DYM: variants seen among roughly 807,000 people sequenced by gnomAD.
DYM encodes dymeclin.
A neutral mutation model predicts 93.1 loss-of-function variants in DYM; 78 were observed. The observed-to-expected ratio is 0.84, with a 90% confidence interval of 0.70 to 1.01. The LOEUF is 1.01. Ranked by LOEUF, DYM falls within the 50% of genes least tolerant of loss-of-function variation. The probability of loss-of-function intolerance (pLI) is 0.00; values close to 1 mark genes in which losing one functional copy is unlikely to be tolerated. For synonymous variants in DYM, 321 were observed against 319.7 expected (o/e 1.00, Z -0.04); for missense variants, 789 against 845.0 (o/e 0.93, Z 0.82).
At position 49,253,641 on chromosome 18, in the gene DYM, G is replaced by A. The variant is rs145659565; in HGVS notation, c.1460+3369C>T. On this transcript the variant is annotated intron_variant, in intron 13 of 17. Transcript: ENST00000675505. ...CCTGCATGACACGATGCTCTGGTCC[G>A]CACCGGCTACTCAAATGTGGTCCTT... Among the ~76,000 whole-genome samples the A allele has an allele frequency of 1.1e-3, 163 of 152,220 alleles. 1 individual carries two copies. The highest frequency in any genetic ancestry group is 3.7e-3 in the African/African-American group (153 of 41,532).
intron 13 of DYM, among the ~76,000 whole-genome samples, chr18:49,222,418 T>C (rs2093397686): frequency 1.3e-5 from 2 of 152,126 alleles, no homozygotes; most frequent in South Asian, 4.1e-4. Context: ...ACAAGAAATG[T>C]ATTTAATACA....
chr18:49,370,330 T>C (rs942142027), intron 5 of DYM, among the ~76,000 whole-genome samples: 1 of 151,394 alleles, frequency 6.6e-6, no homozygotes, highest in African/African-American at 2.4e-5. Flanking sequence ...CTCTGGGCTC[T>C]TCATCCTAGC....
At chr18:49,114,338 T>A (rs112791929) in intron 16 of DYM, among the ~76,000 whole-genome samples, 1 of 152,352 alleles carries the variant, frequency 6.6e-6, no homozygotes, top group Admixed American at 6.5e-5. Context: ...AAGAACTGCA[T>A]AACAGCATAT....
At chr18:49,273,482 T>C (rs1300233400) in intron 10 of DYM, among the ~76,000 whole-genome samples, 2 of 152,176 alleles carry the variant, frequency 1.3e-5, no homozygotes, top group Non-Finnish European at 2.9e-5. Context: ...CACATAACAT[T>C]TCCATTAACA....
chr18:49,272,122 G>C, intron 11 of DYM, 56 bp downstream of exon 11: 1 of 1,524,876 alleles, frequency 6.6e-7, no homozygotes, highest in East Asian at 2.3e-5. Flanking sequence ...TAAATCTTAC[G>C]TAGGGACATG....
intron 6 of DYM, among the ~76,000 whole-genome samples, chr18:49,349,162 C>T (rs1467332804): frequency 7.2e-5 from 11 of 152,056 alleles, no homozygotes; most frequent in Non-Finnish European, 1.6e-4. Flanking sequence ...GAGCCAAGAT[C>T]GTGCCAGTGC....
At chr18:49,370,787 C>T (rs2066966621) in intron 5 of DYM, among the ~76,000 whole-genome samples, 1 of 152,122 alleles carries the variant, frequency 6.6e-6, no homozygotes, top group Admixed American at 6.6e-5. Flanking sequence ...GAAAAAGAAA[C>T]TATCATTGCA....
intron 14 of DYM, among the ~76,000 whole-genome samples, chr18:49,199,238 G>C (rs905987840): frequency 5.3e-5 from 8 of 152,200 alleles, no homozygotes; most frequent in East Asian, 1.9e-4. Context: ...TGGGGTGGGG[G>C]GAGAAAGGAG....
intron 15 of DYM, among the ~76,000 whole-genome samples, chr18:49,156,762 AAG>A (rs2086501900): frequency 6.7e-6 from 1 of 149,170 alleles, no homozygotes; most frequent in Non-Finnish European, 1.5e-5. Context: ...AAAAGTGTGG[AAG>A]ACAGCATTTC....
chr18:49,206,192 G>A (rs1176488152), intron 14 of DYM, among the ~76,000 whole-genome samples: 1 of 151,878 alleles, frequency 6.6e-6, no homozygotes, highest in East Asian at 1.9e-4. Flanking sequence ...TAGAGACAGG[G>A]TTTCACTGTG....
At chr18:49,343,257 T>C (rs188998153) in intron 6 of DYM, among the ~76,000 whole-genome samples, 2 of 152,306 alleles carry the variant, frequency 1.3e-5, no homozygotes, top group East Asian at 1.9e-4. Context: ...TCTGCATCCA[T>C]ACTAACTTAT....
intron 13 of DYM, 42 bp from the exon 14 acceptor site, chr18:49,209,757 G>T: frequency 8.7e-7 from 1 of 1,144,250 alleles, no homozygotes; most frequent in South Asian, 1.8e-5. Context: ...AAAGAGAGGA[G>T]TTTTCCTTTG....
At chr18:49,273,632 A>T (rs1312924943) in intron 10 of DYM, among the ~76,000 whole-genome samples, 2 of 152,128 alleles carry the variant, frequency 1.3e-5, no homozygotes, top group Non-Finnish European at 2.9e-5. Flanking sequence ...CGGTAACATG[A>T]TGTACAGGTT....
chr18:49,402,185 C>T (rs147266912), intron 2 of DYM, among the ~76,000 whole-genome samples: 3 of 152,284 alleles, frequency 2.0e-5, no homozygotes, highest in Non-Finnish European at 4.4e-5. Flanking sequence ...ACCTCACACC[C>T]TCTACATGAA....
chr18:49,436,444 ATT>A (rs2080871387), intron 1 of DYM, among the ~76,000 whole-genome samples: 1 of 152,162 alleles, frequency 6.6e-6, no homozygotes, highest in South Asian at 2.1e-4. Context: ...TATACAACAG[ATT>A]TTGTCTTCCA....
chr18:49,383,692 G>A (rs1457615882), intron 3 of DYM, among the ~76,000 whole-genome samples: 2 of 152,166 alleles, frequency 1.3e-5, no homozygotes, highest in African/African-American at 4.8e-5. Flanking sequence ...GTATAAACCA[G>A]ATATATTTAT....
At chr18:49,098,020 A>C (rs1293137401) in intron 16 of DYM, among the ~76,000 whole-genome samples, 1 of 152,188 alleles carries the variant, frequency 6.6e-6, no homozygotes, top group Admixed American at 6.6e-5. Flanking sequence ...CAGGGATAAC[A>C]AATAGCAACC....
intron 1 of DYM, among the ~76,000 whole-genome samples, chr18:49,434,418 G>C: frequency 6.6e-6 from 1 of 151,636 alleles, no homozygotes; most frequent in Non-Finnish European, 1.5e-5. Context: ...TACTTGGGAG[G>C]CTGAGACAGG....
chr18:49,459,588 C>A lies in DYM; in HGVS notation c.-54+810G>T, dbSNP rs944686418. Reference sequence around the variant, plus strand: ...CAGCACATCACCCTTGCTCTACACACCCCTCTCTCCAACTTCCCCTCTCCT... The same window carrying A: ...CAGCACATCACCCTTGCTCTACACAACCCTCTCTCCAACTTCCCCTCTCCT... On this transcript the variant is annotated intron_variant, in intron 1 of 17. Coordinates refer to ENST00000675505, the MANE Select transcript of DYM (RefSeq NM_001353214.3). Among the ~76,000 whole-genome samples, 69 of 152,078 alleles carry A rather than the reference C, an allele frequency of 4.5e-4. 2 individuals carry two copies. Among genetic ancestry groups the A allele is most frequent in the Non-Finnish European group, 2.9e-5 (2 of 68,020 alleles).
Sources: gnomAD v4.1 joint callset for allele counts (sites outside exome capture counted in the v4.1 genomes callset) on GRCh38, gnomAD v4.1.1 for gene constraint, MANE v1.5 for transcripts, NCBI Gene and HGNC (gene_info 2026-07-23, HGNC 2026-07-21) for gene names.